Variants in MAP2K5 observed in about 807,000 individuals in gnomAD.
The protein encoded by MAP2K5 is dual specificity mitogen-activated protein kinase kinase 5.
A neutral mutation model predicts 83.1 loss-of-function variants in MAP2K5; 49 were observed. That is an observed-to-expected ratio of 0.59 (90% CI 0.47 to 0.75). The LOEUF is 0.75. Ranked by LOEUF, MAP2K5 falls within the 30% of genes least tolerant of loss-of-function variation. MAP2K5 has a pLI of 0.00. For synonymous variants in MAP2K5, 202 were observed against 191.8 expected, an observed-to-expected ratio of 1.05 and a Z score of -0.44; for missense variants, 457 against 557.5, an observed-to-expected ratio of 0.82 and a Z score of 1.82.
chr15:67,688,940 T>G (rs1447410480), intron 13 of MAP2K5, among the ~76,000 whole-genome samples: 1 of 152,224 alleles, frequency 6.6e-6, no homozygotes, highest in Non-Finnish European at 1.5e-5. Context: ...TTAGCAAATT[T>G]AATGTATCAT....
At position 67,721,913 on chromosome 15, in the gene MAP2K5, G is replaced by A. The variant is rs563145200; in HGVS notation, c.1045-6003G>A. On this transcript the variant is annotated intron_variant, in intron 16 of 21. Transcript: ENST00000178640. ...AGGGTGTACACAGTTTGATGCTTTC[G>A]TTACATTTATTATCCCATCTTTAAT... Among the ~76,000 whole-genome samples, 8 of 152,170 alleles carry A rather than the reference G, an allele frequency of 5.3e-5. No individual in the cohort carries two copies. The South Asian group carries it at 1.7e-3, about 32-fold the overall frequency.
In MAP2K5 at chr15:67,719,969, A is replaced by G. The variant is rs1390175002; in HGVS notation, c.1045-7947A>G. 3.3e-5 allele frequency among the ~76,000 whole-genome samples: 5 copies of G among 152,186 alleles called. No homozygotes were observed. The highest frequency in any genetic ancestry group is 1.2e-4 in the African/African-American group (5 of 41,448). The stretch of plus-strand genomic sequence containing the variant: ...TTAACTGACTTTTAGAGATTTAGTT[A>G]TATACCCAGATATTTTCATTAGTAT... On this transcript the variant is annotated intron_variant, in intron 16 of 21. Coordinates refer to ENST00000178640, the MANE Select transcript of MAP2K5 (RefSeq NM_145160.3). The surrounding 1 kb of genome is among the most constrained non-coding windows in gnomAD (Gnocchi z 4.6).
rs549285211 is a variant in MAP2K5, at chr15:67,690,060, A to G, written c.848-2419A>G. 9.9e-4 allele frequency among the ~76,000 whole-genome samples: 150 copies of G among 152,212 alleles called. No homozygotes were observed. Among genetic ancestry groups the G allele is most frequent in the African/African-American group, 3.6e-3 (149 of 41,528 alleles). On this transcript the variant is annotated intron_variant, in intron 13 of 21. Transcript: ENST00000178640. This position sits in a 1 kb window ranked among gnomAD's most constrained non-coding sequence, Gnocchi z 4.3. ...AAATCTCTTCAGCTATTGTTAGTGT[A>G]TTTTATATGTGGTCCAAGACAGTTC...
At chr15:67,756,970 A>T (rs867755338) in intron 19 of MAP2K5, among the ~76,000 whole-genome samples, 4 of 152,080 alleles carry the variant, frequency 2.6e-5, no homozygotes, top group African/African-American at 9.7e-5. Context: ...TTGTCTTCCT[A>T]TCTTGGCTAT....
chr15:67,569,226 G>T (rs1360821162), intron 3 of MAP2K5, among the ~76,000 whole-genome samples: 1 of 152,138 alleles, frequency 6.6e-6, no homozygotes, highest in Non-Finnish European at 1.5e-5. Context: ...TTTCAAATAT[G>T]CCACATATTA....
rs185528825 is a variant in MAP2K5 at position 67,644,318 on chromosome 15, C to T, written c.586-1913C>T. On this transcript the variant is annotated intron_variant, in intron 9 of 21. Coordinates refer to ENST00000178640, the MANE Select transcript of MAP2K5 (RefSeq NM_145160.3). This position sits in a 1 kb window ranked among gnomAD's most constrained non-coding sequence, Gnocchi z 4.6. ...CTGAGGCAGGAGAATGGCTTGAACC[C>T]GGGAGGCGGAGGTTGCAGTGAGCCA... Among the ~76,000 whole-genome samples, 137 of 152,082 alleles carry T rather than the reference C, an allele frequency of 9.0e-4. No individual in the cohort carries two copies. Among genetic ancestry groups the T allele is most frequent in the South Asian group, 6.4e-3 (31 of 4,812 alleles).
rs1414863851 is a variant in MAP2K5, at chr15:67,777,141, C to T, written c.1242+4389C>T. Among the ~76,000 whole-genome samples, 3 of 152,098 alleles carry T rather than the reference C, an allele frequency of 2.0e-5. No individual in the cohort carries two copies. The highest frequency in any genetic ancestry group is 1.9e-4 in the East Asian group (1 of 5,192). On this transcript the variant is annotated intron_variant, in intron 21 of 21. Coordinates refer to ENST00000178640, the MANE Select transcript of MAP2K5 (RefSeq NM_145160.3). The surrounding 1 kb of genome is among the most constrained non-coding windows in gnomAD (Gnocchi z 6.0). Reference sequence around the variant, plus strand: ...TGTAGGGAGGGAAGTGTTCACTCAGCGGGAGAGTGCTTGCTTGAGGGTGGG... The same window carrying T: ...TGTAGGGAGGGAAGTGTTCACTCAGTGGGAGAGTGCTTGCTTGAGGGTGGG...
chr15:67,691,768 G>A (rs571464741), intron 13 of MAP2K5, among the ~76,000 whole-genome samples: 30 of 152,270 alleles, frequency 2.0e-4, no homozygotes, highest in Non-Finnish European at 2.9e-4. Flanking sequence ...ATTACTTAGC[G>A]ACTGACTGCT....
At chr15:67,800,206 T>C (rs1347681849) in intron 21 of MAP2K5, among the ~76,000 whole-genome samples, 1 of 152,260 alleles carries the variant, frequency 6.6e-6, no homozygotes, top group Non-Finnish European at 1.5e-5. Context: ...GTCTCTAATC[T>C]GAAGTTTTCT....
intron 11 of MAP2K5, among the ~76,000 whole-genome samples, chr15:67,647,063 CATT>C (rs2086847256): frequency 6.6e-6 from 1 of 152,096 alleles, no homozygotes; most frequent in Non-Finnish European, 1.5e-5. Flanking sequence ...ATGATGTCAT[CATT>C]ATTATTATTT....
chr15:67,728,200 T>C (rs2089143142), intron 17 of MAP2K5, among the ~76,000 whole-genome samples: 1 of 152,222 alleles, frequency 6.6e-6, no homozygotes, highest in South Asian at 2.1e-4. Flanking sequence ...ATTGTTTTTT[T>C]TCCTGGTCCA....
chr15:67,686,437 G>A (rs1171782123), intron 13 of MAP2K5, among the ~76,000 whole-genome samples: 8 of 151,620 alleles, frequency 5.3e-5, no homozygotes, highest in South Asian at 2.1e-4. Flanking sequence ...TGAAACCCCC[G>A]TCTCACTAAA....
At chr15:67,745,033 A>G (rs12050749) in intron 17 of MAP2K5, among the ~76,000 whole-genome samples, 15,671 of 152,156 alleles carry the variant, frequency 0.1, 895 homozygotes, top group Admixed American at 0.11. Context: ...AATGAAAGAA[A>G]AAAAAAAATC....
rs4346159 is a variant in MAP2K5 at position 67,600,011 on chromosome 15, G to T, written c.481-674G>T. On this transcript the variant is annotated intron_variant, in intron 7 of 21. Coordinates refer to ENST00000178640, the MANE Select transcript of MAP2K5 (RefSeq NM_145160.3). ...CATGCAAACTTATATATAAAGTTAC[G>T]AAAATGACTTTAATAAAAATTACAT... 5.8e-3 allele frequency among the ~76,000 whole-genome samples: 875 copies of T among 152,094 alleles called. 5 individuals carry two copies. Among genetic ancestry groups the T allele is most frequent in the African/African-American group, 0.02 (842 of 41,510 alleles).
Position 67,626,480 on chromosome 15 carries a change from T to C in MAP2K5, c.546-4408T>C, listed in dbSNP as rs148628338. ...TTTCGGAGGATGCAGTGAGCCGAGA[T>C]TGTGCCACTGCACTCTAGTCTGGGC... On this transcript the variant is annotated intron_variant, in intron 8 of 21. Transcript: ENST00000178640. Among the ~76,000 whole-genome samples the C allele has an allele frequency of 4.0e-3, 605 of 152,124 alleles. 2 individuals carry two copies. The highest frequency in any genetic ancestry group is 0.011 in the South Asian group (51 of 4,826).
At position 67,806,918 on chromosome 15, in the gene MAP2K5, G is replaced by C; in HGVS notation, c.*168G>C. ...TGGCCTTGCCTGGGGAGCCCCATGT[G>C]TGGCCCACCCCACCAGGCCATCCCC... On this transcript the variant is annotated 3_prime_UTR_variant, in exon 22 of 22. Transcript: ENST00000178640. 1 of 1,589,702 alleles carries C rather than the reference G, an allele frequency of 6.3e-7. No homozygotes were observed. The highest frequency in any genetic ancestry group is 1.1e-5 in the South Asian group (1 of 88,586).
In MAP2K5 at chr15:67,640,013, A is replaced by G. The variant is rs755349621; in HGVS notation, c.586-6218A>G. 1.3e-5 allele frequency among the ~76,000 whole-genome samples: 2 copies of G among 152,132 alleles called. No homozygotes were observed. The highest frequency in any genetic ancestry group is 2.4e-5 in the African/African-American group (1 of 41,434). On this transcript the variant is annotated intron_variant, in intron 9 of 21. Transcript: ENST00000178640. The surrounding 1 kb of genome is among the most constrained non-coding windows in gnomAD (Gnocchi z 4.6). ...TAGAATTCCCTGTATATGTCTTTTAAGGGTGTTATCACCAACTGCCTTGTA... is the reference window on the plus strand; with the variant it reads ...TAGAATTCCCTGTATATGTCTTTTAGGGGTGTTATCACCAACTGCCTTGTA...
chr15:67,628,883 G>A (rs567411946), intron 8 of MAP2K5: 107 of 749,140 alleles, frequency 1.4e-4, no homozygotes, highest in South Asian at 8.8e-4. Flanking sequence ...TGGATATGGC[G>A]GCAGTGGGGA....
At chr15:67,699,730 G>A (rs1311729526) in intron 15 of MAP2K5, among the ~76,000 whole-genome samples, 1 of 152,126 alleles carries the variant, frequency 6.6e-6, no homozygotes, top group Non-Finnish European at 1.5e-5. Context: ...GGAACAGCAG[G>A]CAGCAGAATC....
Sources: gnomAD v4.1 joint callset for allele counts (sites outside exome capture counted in the v4.1 genomes callset) on GRCh38, gnomAD v4.1.1 for gene constraint, Gnocchi (gnomAD v3.1) non-coding constraint, MANE v1.5 for transcripts, NCBI Gene and HGNC (gene_info 2026-07-23, HGNC 2026-07-21) for gene names.